The following PGAP4 variants were observed in gnomAD, a reference collection of about 807,000 sequenced individuals.
The protein encoded by PGAP4 is GPI-N-acetylgalactosamine transferase PGAP4.
PGAP4 carries 12 observed loss-of-function variants against 28.2 expected under a neutral mutation model. The observed-to-expected ratio is 0.42, with a 90% CI of 0.27 to 0.69. The LOEUF (loss-of-function observed/expected upper bound fraction) is 0.69. PGAP4 is among the 30% of genes least tolerant of loss of function. PGAP4 has a pLI of 0.22. For synonymous variants in PGAP4, 205 were observed against 211.8 expected (o/e 0.97, Z 0.28); for missense variants, 425 against 513.5 (o/e 0.83, Z 1.67).
At chr9:101,511,687 T>C (rs1322237370) in intron 2 of PGAP4, among the ~76,000 whole-genome samples, 1 of 152,104 alleles carries the variant, frequency 6.6e-6, no homozygotes, top group Admixed American at 6.5e-5. Flanking sequence ...TTGCAAACAT[T>C]ATTTATAATC....
chr9:101,521,892 G>C (rs1826991350), intron 2 of PGAP4, among the ~76,000 whole-genome samples: 1 of 152,100 alleles, frequency 6.6e-6, no homozygotes, highest in African/African-American at 2.4e-5. Context: ...CTGGATCCCA[G>C]AGGTTTTGAT....
At position 101,475,546 on chromosome 9, in the gene PGAP4, T is replaced by G; in HGVS notation, c.*335A>C. 3.6e-6 allele frequency: 1 copy of G among 277,366 alleles called. No individual in the cohort carries two copies. 17.2% of individuals were successfully genotyped at this position (277,366 alleles called of 1,614,324 possible). A position where few individuals can be genotyped will look rare whatever the true frequency, so the allele number is the denominator to read the frequency against. ...ACAGTCATATCACTGTGCACAAAAT[T>G]TTTGGCAGTCACAAGCTCTAACACA... On this transcript the variant is annotated 3_prime_UTR_variant, in exon 2 of 2. Transcript: ENST00000374848.
At chr9:101,518,692 A>G (rs1418234660) in intron 2 of PGAP4, among the ~76,000 whole-genome samples, 1 of 152,186 alleles carries the variant, frequency 6.6e-6, no homozygotes. Flanking sequence ...TATACATACC[A>G]TAATTTATTT....
At chr9:101,507,857 A>G (rs1319535878) in intron 2 of PGAP4, among the ~76,000 whole-genome samples, 1 of 152,098 alleles carries the variant, frequency 6.6e-6, no homozygotes, top group Non-Finnish European at 1.5e-5. Context: ...ATCTTAGGTA[A>G]TGCTGTGTAT....
intron 2 of PGAP4, among the ~76,000 whole-genome samples, chr9:101,518,633 G>A (rs1380955953): frequency 1.3e-5 from 2 of 152,168 alleles, no homozygotes; most frequent in African/African-American, 2.4e-5. Context: ...AGGTCTCTGC[G>A]AATGGTGTTA....
intron 2 of PGAP4, among the ~76,000 whole-genome samples, chr9:101,516,897 G>C (rs1826948442): frequency 6.6e-6 from 1 of 152,174 alleles, no homozygotes; most frequent in Admixed American, 6.6e-5. Context: ...CACTTGACCT[G>C]ATTAACAGAT....
chr9:101,499,749 CTTTA>C (rs1826781585), intron 2 of PGAP4, among the ~76,000 whole-genome samples: 1 of 151,932 alleles, frequency 6.6e-6, no homozygotes, highest in African/African-American at 2.4e-5. Flanking sequence ...CCTTCCGTGG[CTTTA>C]TTTGTTGGAA....
intron 2 of PGAP4, among the ~76,000 whole-genome samples, chr9:101,519,621 CTA>C (rs954822875): frequency 1.2e-4 from 18 of 150,368 alleles, no homozygotes; most frequent in African/African-American, 4.1e-4. Flanking sequence ...TTATTATTTA[CTA>C]TATATATGTA....
At chr9:101,488,696 A>C (rs1826656763), upstream of PGAP4, among the ~76,000 whole-genome samples, 1 of 152,228 alleles carries the variant, frequency 6.6e-6, no homozygotes, top group South Asian at 2.1e-4. Flanking sequence ...CACTAGTCAC[A>C]TGTAACTACT....
chr9:101,492,724 T>C (rs1157127535), intron 2 of PGAP4, among the ~76,000 whole-genome samples: 1 of 152,166 alleles, frequency 6.6e-6, no homozygotes, highest in East Asian at 1.9e-4. Flanking sequence ...TCTGATTTTT[T>C]AGACTGTCCC....
At chr9:101,520,419 C>A (rs1272658316) in intron 2 of PGAP4, among the ~76,000 whole-genome samples, 2 of 152,062 alleles carry the variant, frequency 1.3e-5, no homozygotes, top group African/African-American at 4.8e-5. Flanking sequence ...TTGTAGAGGT[C>A]TTTGGATCCT....
At chr9:101,496,948 A>T (rs181662971) in intron 2 of PGAP4, among the ~76,000 whole-genome samples, 1 of 150,626 alleles carries the variant, frequency 6.6e-6, no homozygotes, top group African/African-American at 2.4e-5. Context: ...TTTTAATATT[A>T]AAAACTATTT....
At chr9:101,520,324 T>C (rs1826978567) in intron 2 of PGAP4, among the ~76,000 whole-genome samples, 1 of 152,248 alleles carries the variant, frequency 6.6e-6, no homozygotes. Flanking sequence ...TTTCACAATA[T>C]TGATTCTATC....
At position 101,474,068 on chromosome 9, in the gene PGAP4, A is replaced by T. The variant is rs1259554441; in HGVS notation, c.*1813T>A. 6.6e-6 allele frequency: 1 copy of T among 152,190 alleles called. No homozygotes were observed. Among genetic ancestry groups the T allele is most frequent in the African/African-American group, 2.4e-5 (1 of 41,442 alleles). 9.4% of individuals were successfully genotyped at this position (152,190 alleles called of 1,614,324 possible). On this transcript the variant is annotated 3_prime_UTR_variant, in exon 2 of 2. Coordinates refer to ENST00000374848, the MANE Select transcript of PGAP4 (RefSeq NM_032342.3). ...ATGATCTAGTTCAGCTTATACTCAG[A>T]TTTTACAAAAGAGACTTTGACCACA...
At position 101,473,348 on chromosome 9, in the gene PGAP4, C is replaced by T. The variant is rs1178213973; in HGVS notation, c.*2533G>A. On this transcript the variant is annotated 3_prime_UTR_variant, in exon 2 of 2. Coordinates refer to ENST00000374848, the MANE Select transcript of PGAP4 (RefSeq NM_032342.3). ...TTGATATGGGAAGGATATCTTAGTT[C>T]TCCCTAGCCCCTTGCTTAGGATTAA... 1 of 152,196 alleles carries T rather than the reference C, an allele frequency of 6.6e-6. No individual in the cohort carries two copies. The highest frequency in any genetic ancestry group is 1.5e-5 in the Non-Finnish European group (1 of 68,042). The allele number at this position is 152,196 out of a possible 1,614,324, so 9.4% of individuals were successfully genotyped here.
chr9:101,509,950 C>T (rs962185980), intron 2 of PGAP4, among the ~76,000 whole-genome samples: 1 of 152,178 alleles, frequency 6.6e-6, no homozygotes, highest in Non-Finnish European at 1.5e-5. Flanking sequence ...TTGAATAGTT[C>T]TGCAGCCATA....
upstream of PGAP4, among the ~76,000 whole-genome samples, chr9:101,491,270 A>G (rs1267333113): frequency 6.6e-6 from 1 of 152,148 alleles, no homozygotes; most frequent in Non-Finnish European, 1.5e-5. Flanking sequence ...TCTACAGAAG[A>G]CAAATGGTTA....
intron 1 of PGAP4, among the ~76,000 whole-genome samples, chr9:101,480,994 T>C (rs1167147008): frequency 6.6e-6 from 1 of 152,012 alleles, no homozygotes; most frequent in Admixed American, 6.6e-5. Context: ...CTGGGCAACA[T>C]GGCAAAACCT....
At position 101,477,186 on chromosome 9, in the gene PGAP4, T is replaced by C. The variant is rs1221688123; in HGVS notation, c.-77-17A>G. 6.9e-6 allele frequency: 10 copies of C among 1,442,734 alleles called. No individual in the cohort carries two copies. The highest frequency in any genetic ancestry group is 9.1e-6 in the Non-Finnish European group (10 of 1,098,372). The allele number at this position is 1,442,734 out of a possible 1,614,324, so 89.4% of individuals were successfully genotyped here. A position where few individuals can be genotyped will look rare whatever the true frequency, so the allele number is the denominator to read the frequency against. On this transcript the variant is annotated splice_polypyrimidine_tract_variant and intron_variant, in intron 1 of 1. Coordinates refer to ENST00000374848, the MANE Select transcript of PGAP4 (RefSeq NM_032342.3). ...AAATCAAACCTAAAGAGAGAGGAAG[T>C]AGGGAATGGTAAGAGTAACTTAAAA...
Sources: gnomAD v4.1 joint callset for allele counts (sites outside exome capture counted in the v4.1 genomes callset) on GRCh38, gnomAD v4.1.1 for gene constraint, MANE v1.5 for transcripts, NCBI Gene and HGNC (gene_info 2026-07-23, HGNC 2026-07-21) for gene names.